The following GRHL3 variants were observed in gnomAD, a reference collection of about 807,000 sequenced individuals.
The protein encoded by GRHL3 is grainyhead like transcription factor 3.
GRHL3 carries 20 observed loss-of-function variants against 70.3 expected under a neutral mutation model. The observed-to-expected ratio is 0.28, with a 90% CI of 0.20 to 0.41. GRHL3 has a LOEUF of 0.41. GRHL3 is among the 10% of genes least tolerant of loss of function. The probability of loss-of-function intolerance (pLI) is 1.00; values close to 1 mark genes in which losing one functional copy is unlikely to be tolerated. For missense variants in GRHL3, 637 were observed against 762.3 expected (o/e 0.84, Z 1.94); for synonymous variants, 299 against 299.9 (o/e 1.00, Z 0.03).
Position 24,322,202 on chromosome 1 carries a change from C to T in GRHL3, c.17+2634C>T, listed in dbSNP as rs1278501258. ...GTCTAAGGCACCGAGGCAGGAGCGT[C>T]CCCCGCGGCCTCGCTCCCTGCTCTC... is the stretch of plus-strand genomic sequence containing the variant. On this transcript the variant is annotated intron_variant, in intron 1 of 15. Transcript: ENST00000361548. This position sits in a 1 kb window ranked among gnomAD's most constrained non-coding sequence, Gnocchi z 4.4. 6.6e-6 allele frequency among the ~76,000 whole-genome samples: 1 copy of T among 152,144 alleles called. No homozygotes were observed. The highest frequency in any genetic ancestry group is 1.5e-5 in the Non-Finnish European group (1 of 68,006).
downstream of GRHL3, among the ~76,000 whole-genome samples, chr1:24,356,148 C>T (rs1044021671): frequency 6.6e-6 from 1 of 152,182 alleles, no homozygotes; most frequent in Non-Finnish European, 1.5e-5. Flanking sequence ...ATCCACTCGC[C>T]TCAGCCTCCC....
intron 1 of GRHL3, among the ~76,000 whole-genome samples, chr1:24,329,490 C>A (rs556631304): frequency 6.6e-6 from 1 of 152,292 alleles, no homozygotes; most frequent in African/African-American, 2.4e-5. Flanking sequence ...AGTGTGGCTG[C>A]GTGGCAAGTG....
chr1:24,334,819 C>T lies in GRHL3; in HGVS notation c.266+113C>T. ...CACAGGAGGCACAGTGCTGAGGGCCCACAACACATTTTGGGATTCATGATA... is the reference window on the plus strand; with the variant it reads ...CACAGGAGGCACAGTGCTGAGGGCCTACAACACATTTTGGGATTCATGATA... On this transcript the variant is annotated intron_variant, in intron 3 of 15. Transcript: ENST00000361548. This position sits in a 1 kb window ranked among gnomAD's most constrained non-coding sequence, Gnocchi z 4.3. 1 of 582,954 alleles carries T rather than the reference C, an allele frequency of 1.7e-6. No individual in the cohort carries two copies. Among genetic ancestry groups the T allele is most frequent in the South Asian group, 3.2e-5 (1 of 31,352 alleles). The allele number at this position is 582,954 out of a possible 1,614,324, so 36.1% of individuals were successfully genotyped here.
In GRHL3 at chr1:24,334,518, G is replaced by A. The variant is rs1226328320; in HGVS notation, c.205-127G>A. 9.0e-6 allele frequency: 6 copies of A among 666,836 alleles called. No individual in the cohort carries two copies. Among genetic ancestry groups the A allele is most frequent in the Non-Finnish European group, 1.6e-5 (6 of 368,456 alleles). 41.3% of individuals were successfully genotyped at this position (666,836 alleles called of 1,614,324 possible). On this transcript the variant is annotated intron_variant, in intron 2 of 15. Coordinates refer to ENST00000361548, the MANE Select transcript of GRHL3 (RefSeq NM_198173.3). This position sits in a 1 kb window ranked among gnomAD's most constrained non-coding sequence, Gnocchi z 4.3. ...GAACTACGATTCAAGATGAGATTTGGGTGGGGACACAGCCGAACCATATCA... is the reference window on the plus strand; with the variant it reads ...GAACTACGATTCAAGATGAGATTTGAGTGGGGACACAGCCGAACCATATCA...
At chr1:24,344,845 T>C in intron 11 of GRHL3, 52 bp from the exon 12 acceptor site, 1 of 1,609,070 alleles carries the variant, frequency 6.2e-7, no homozygotes, top group Non-Finnish European at 8.5e-7. Flanking sequence ...AGCCAGGGGC[T>C]CCTCTCATTT....
Position 24,346,588 on chromosome 1 carries a change from A to C in GRHL3, c.1490A>C (p.Glu497Ala). The change falls in exon 13 of 16, where the codon GAG becomes GCG. Residue 497 changes from glutamate (E) to alanine (A), a missense_variant. Physicochemically the swap from Glu to Ala is moderately radical, Grantham distance 107. Transcript: ENST00000361548. ...AAGCGTACCTGCTCGCCCTTCACTGAGGAGTTTGAGCCTCTGCCCTCCAAG... is the reference window on the plus strand; with the variant it reads ...AAGCGTACCTGCTCGCCCTTCACTGCGGAGTTTGAGCCTCTGCCCTCCAAG... ...PLKRTCSPFT[E>A]EFEPLPSKQA... The C allele has an allele frequency of 6.2e-7, 1 of 1,613,240 alleles. No individual in the cohort carries two copies. Among genetic ancestry groups the C allele is most frequent in the Non-Finnish European group, 8.5e-7 (1 of 1,179,640 alleles).
chr1:24,337,500 G>A, intron 5 of GRHL3, 136 bp from the exon 6 acceptor site: 1 of 892,710 alleles, frequency 1.1e-6, no homozygotes. Context: ...GGAAACTGGG[G>A]CCCAAGGAAG....
At chr1:24,354,321 C>T (rs988335496) in intron 15 of GRHL3, 53 bp from the exon 16 acceptor site, 4 of 1,274,922 alleles carry the variant, frequency 3.1e-6, no homozygotes, top group African/African-American at 1.4e-5. Context: ...ACTCAGAAGG[C>T]CTGAAAACAG....
At chr1:24,351,217 G>A (rs1451732869) in intron 15 of GRHL3, among the ~76,000 whole-genome samples, 2 of 152,168 alleles carry the variant, frequency 1.3e-5, no homozygotes, top group African/African-American at 4.8e-5. Flanking sequence ...ATCTTCCTTT[G>A]TAGAAGACTT....
chr1:24,337,132 G>A lies in GRHL3; in HGVS notation c.667G>A (p.Asp223Asn). Residue 223 changes from aspartate (D) to asparagine (N), a missense_variant, in exon 5 of 16, where the codon GAC becomes AAC. Around this residue, in one of 2 missense-constraint regions of GRHL3, gnomAD observed 387 missense variants for 513.8 expected, o/e 0.75. Transcript: ENST00000361548. ...CTCCCCGGAACCCCCATGTCCAGAG[G>A]ACTACCCCAGCCTCAAAAGGTAACT... ...KTSPEPPCPE[D>N]YPSLKSDFEY... 6.2e-7 allele frequency: 1 copy of A among 1,613,972 alleles called. No individual in the cohort carries two copies. The highest frequency in any genetic ancestry group is 8.5e-7 in the Non-Finnish European group (1 of 1,179,918).
chr1:24,336,353 G>A (rs546522974), intron 3 of GRHL3, 129 bp from the exon 4 acceptor site: 78 of 616,674 alleles, frequency 1.3e-4, no homozygotes, highest in Non-Finnish European at 2.0e-4. Flanking sequence ...GTCTTATTTC[G>A]TGCATGCTGG....
chr1:24,356,440 C>G (rs141671165), downstream of GRHL3, among the ~76,000 whole-genome samples: 1 of 151,814 alleles, frequency 6.6e-6, no homozygotes, highest in African/African-American at 2.4e-5. Context: ...GGGGTTTCAC[C>G]GTGTTAGCCA....
At chr1:24,350,325 G>T (rs1048418072) in intron 15 of GRHL3, among the ~76,000 whole-genome samples, 4 of 152,186 alleles carry the variant, frequency 2.6e-5, no homozygotes, top group African/African-American at 9.7e-5. Flanking sequence ...CAAGTGGAAG[G>T]GTTGTTACAT....
intron 3 of GRHL3, 31 bp from the exon 4 acceptor site, chr1:24,336,451 A>C: frequency 6.9e-7 from 1 of 1,446,926 alleles, no homozygotes; most frequent in Non-Finnish European, 9.4e-7. Flanking sequence ...CCCAGAGAGA[A>C]GTACACTCAG....
chr1:24,331,438 G>T lies in GRHL3; in HGVS notation c.30G>T (p.Val10=), dbSNP rs1318245259. 2 of 1,612,652 alleles carry T rather than the reference G, an allele frequency of 1.2e-6. No homozygotes were observed. Among genetic ancestry groups the T allele is most frequent in the Non-Finnish European group, 1.7e-6 (2 of 1,179,176 alleles). The part of the protein sequence containing the change: MSNELDFRS[V]RLLKNDPVNL... The stretch of plus-strand genomic sequence containing the variant: ...TACTTGCATTCAGTTTCAGGTCTGT[G>T]CGGCTGCTAAAGAACGACCCAGTCA... Residue 10 remains valine, a synonymous_variant, in exon 2 of 16, where the codon GTG becomes GTT. Transcript: ENST00000361548.
chr1:24,362,160 G>A (rs1641164939), intron 15 of GRHL3, among the ~76,000 whole-genome samples: 1 of 152,222 alleles, frequency 6.6e-6, no homozygotes, highest in Non-Finnish European at 1.5e-5. Flanking sequence ...GGGGACTTGG[G>A]ATTCCTGGCC....
intron 1 of GRHL3, 97 bp downstream of exon 1, chr1:24,319,665 C>T: frequency 6.2e-7 from 1 of 1,608,962 alleles, no homozygotes; most frequent in Admixed American, 1.7e-5. Context: ...CACCGGGATT[C>T]ACAGAGCAAT....
intron 11 of GRHL3, 107 bp from the exon 12 acceptor site, chr1:24,344,790 C>A: frequency 8.2e-7 from 1 of 1,224,006 alleles, no homozygotes; most frequent in Non-Finnish European, 1.2e-6. Flanking sequence ...TAACAGTATT[C>A]TCCCCACCTC....
intron 15 of GRHL3, chr1:24,360,722 C>T (rs1641048706): frequency 1.2e-6 from 1 of 827,764 alleles, no homozygotes; most frequent in Non-Finnish European, 1.8e-6. Context: ...GATAATGCTT[C>T]CAAATCTACC....
Sources: gnomAD v4.1 joint callset for allele counts (sites outside exome capture counted in the v4.1 genomes callset) on GRCh38, gnomAD v4.1.1 for gene constraint, gnomAD v4.1.1 regional missense constraint, Gnocchi (gnomAD v3.1) non-coding constraint, MANE v1.5 for transcripts, NCBI Gene and HGNC (gene_info 2026-07-23, HGNC 2026-07-21) for gene names.